LDB2: variants seen among roughly 807,000 people sequenced by gnomAD.
LDB2 encodes LIM domain binding 2.
A neutral mutation model predicts 44.3 loss-of-function variants in LDB2; 12 were observed. That is an observed-to-expected ratio of 0.27 (90% confidence interval 0.17 to 0.44). LDB2 has a LOEUF of 0.44. Among genes scored for constraint, LDB2 ranks in the 20% least tolerant of loss-of-function variants. LDB2 has a pLI of 1.00. For missense variants in LDB2, 344 were observed against 473.5 expected (o/e 0.73, Z 2.54); for synonymous variants, 164 against 174.8 (o/e 0.94, Z 0.49).
At chr4:16,719,126 T>C (rs1355072311) in intron 2 of LDB2, among the ~76,000 whole-genome samples, 1 of 152,154 alleles carries the variant, frequency 6.6e-6, no homozygotes, top group Non-Finnish European at 1.5e-5. Flanking sequence ...CAAACTGCTG[T>C]TAAACAACTT....
intron 5 of LDB2, among the ~76,000 whole-genome samples, chr4:16,557,455 T>A (rs1740130367): frequency 6.6e-6 from 1 of 152,184 alleles, no homozygotes; most frequent in African/African-American, 2.4e-5. Flanking sequence ...TCTCGCTGAT[T>A]GCTAGCACAG....
chr4:16,893,057 T>C, intron 1 of LDB2: 7 of 951,480 alleles, frequency 7.4e-6, no homozygotes, highest in Non-Finnish European at 8.8e-6. Flanking sequence ...ATAAAATCAG[T>C]ATAAGAGTCT....
chr4:16,856,895 T>A (rs1385527390), intron 1 of LDB2, among the ~76,000 whole-genome samples: 2 of 152,240 alleles, frequency 1.3e-5, no homozygotes, highest in African/African-American at 4.8e-5. Flanking sequence ...AGCAAAATTA[T>A]AGAAGTAACC....
At chr4:16,503,027 T>C in intron 7 of LDB2, 154 bp from the exon 8 acceptor site, 1 of 1,558,706 alleles carries the variant, frequency 6.4e-7, no homozygotes, top group Admixed American at 1.9e-5. Context: ...AGACGCATAT[T>C]TGATTTCTAC....
Position 16,543,415 on chromosome 4 carries a change from C to A in LDB2, c.616-31311G>T, listed in dbSNP as rs1242361548. Among the ~76,000 whole-genome samples the A allele has an allele frequency of 3.3e-5, 5 of 152,314 alleles. No individual in the cohort carries two copies. The East Asian group carries it at 9.6e-4, about 29-fold the overall frequency. On this transcript the variant is annotated intron_variant, in intron 5 of 7. Transcript: ENST00000304523. ...CAGTGTAAAAGTGTTCCTATTTCTC[C>A]ACATCCTCTCCAGCACCTGTTGTTT...
intron 2 of LDB2, among the ~76,000 whole-genome samples, chr4:16,678,097 C>T (rs147825841): frequency 2.4e-3 from 370 of 152,262 alleles, no homozygotes; most frequent in African/African-American, 8.5e-3. Context: ...AAGCAAACAA[C>T]GATTTCAAAG....
chr4:16,891,378 T>A (rs573252889), intron 1 of LDB2, among the ~76,000 whole-genome samples: 22 of 136,198 alleles, frequency 1.6e-4, no homozygotes, highest in Admixed American at 1.5e-3. Flanking sequence ...AGTGGGACAA[T>A]CTCGGCTCAC....
At chr4:16,632,863 G>A (rs1732406721) in intron 2 of LDB2, among the ~76,000 whole-genome samples, 1 of 152,176 alleles carries the variant, frequency 6.6e-6, no homozygotes, top group South Asian at 2.1e-4. Flanking sequence ...TTCGACCATT[G>A]TGGAAGACAG....
At chr4:16,605,156 G>A (rs533678899) in intron 2 of LDB2, among the ~76,000 whole-genome samples, 81 of 152,234 alleles carry the variant, frequency 5.3e-4, no homozygotes, top group African/African-American at 1.8e-3. Context: ...GGATGATCCC[G>A]GTTATGGTAA....
intron 2 of LDB2, among the ~76,000 whole-genome samples, chr4:16,614,986 C>T (rs1448096850): frequency 5.0e-5 from 7 of 141,346 alleles, no homozygotes; most frequent in Admixed American, 7.5e-5. Context: ...AGGAGAATGG[C>T]GTGAACCCGG....
chr4:16,859,372 G>A (rs16894090), intron 1 of LDB2, among the ~76,000 whole-genome samples: 2,150 of 152,292 alleles, frequency 0.014, 38 homozygotes, highest in East Asian at 0.064. Flanking sequence ...TTTCAATCAC[G>A]TGCACCTTAA....
At chr4:16,551,101 G>T (rs887777031) in intron 5 of LDB2, among the ~76,000 whole-genome samples, 1 of 152,144 alleles carries the variant, frequency 6.6e-6, no homozygotes, top group African/African-American at 2.4e-5. Context: ...GCATAATTAT[G>T]CATCAAATGA....
intron 1 of LDB2, among the ~76,000 whole-genome samples, chr4:16,767,304 T>C (rs1198308717): frequency 1.3e-5 from 2 of 152,234 alleles, no homozygotes; most frequent in Non-Finnish European, 2.9e-5. Context: ...TTGCCGATCA[T>C]TCTTTTAAAA....
At chr4:16,576,201 C>T (rs934758423) in intron 5 of LDB2, among the ~76,000 whole-genome samples, 7 of 151,742 alleles carry the variant, frequency 4.6e-5, no homozygotes, top group African/African-American at 1.2e-4. Context: ...CGAGAGCAAA[C>T]CAAATCCAAA....
rs185548270 is a variant in LDB2 at position 16,552,133 on chromosome 4, G to T, written c.615+33789C>A. Among the ~76,000 whole-genome samples the T allele has an allele frequency of 1.6e-3, 249 of 152,054 alleles. 6 individuals are homozygous for T. Among genetic ancestry groups the T allele is most frequent in the Admixed American group, 0.016 (248 of 15,270 alleles). ...CTTGTTGGTTTGTATTATATTTTGT[G>T]TACCTGTTTTAGTTCCCTGAAGGCA... On this transcript the variant is annotated intron_variant, in intron 5 of 7. Coordinates refer to ENST00000304523, the MANE Select transcript of LDB2 (RefSeq NM_001290.5).
intron 1 of LDB2, among the ~76,000 whole-genome samples, chr4:16,860,148 T>A (rs772792438): frequency 6.6e-6 from 1 of 152,220 alleles, no homozygotes; most frequent in Non-Finnish European, 1.5e-5. Context: ...GAGACAAACA[T>A]GGAAGAAGAC....
chr4:16,507,450 A>G (rs1430734784), intron 7 of LDB2, among the ~76,000 whole-genome samples: 2 of 152,126 alleles, frequency 1.3e-5, no homozygotes, highest in Admixed American at 1.3e-4. Context: ...TAAGTGGGGA[A>G]TCCCTGTGCG....
At chr4:16,895,013 G>C (rs895173567) in intron 1 of LDB2, among the ~76,000 whole-genome samples, 2 of 149,972 alleles carry the variant, frequency 1.3e-5, no homozygotes, top group African/African-American at 2.5e-5. Flanking sequence ...TTTTTAATTA[G>C]CGTAGTGCCA....
chr4:16,662,819 G>A (rs1225030358), intron 2 of LDB2, among the ~76,000 whole-genome samples: 1 of 151,860 alleles, frequency 6.6e-6, no homozygotes. Context: ...GGAAATGTGA[G>A]TCCATTATAC....
Sources: gnomAD v4.1 joint callset for allele counts (sites outside exome capture counted in the v4.1 genomes callset) on GRCh38, gnomAD v4.1.1 for gene constraint, MANE v1.5 for transcripts, NCBI Gene and HGNC (gene_info 2026-07-23, HGNC 2026-07-21) for gene names.